TRAF6: variants seen among roughly 807,000 people sequenced by gnomAD.
TRAF6 encodes TNF receptor associated factor 6, also known as TNF receptor-associated factor 6.
A neutral mutation model predicts 48.4 loss-of-function variants in TRAF6; 10 were observed. The ratio of observed to expected loss-of-function variants is 0.21; its 90% CI spans 0.13 to 0.35. The LOEUF (loss-of-function observed/expected upper bound fraction) is 0.35, where lower values mean the gene tolerates loss of function less well. TRAF6 is among the 10% of genes least tolerant of loss of function. The pLI is 1.00. For synonymous variants in TRAF6, 186 were observed against 219.6 expected (o/e 0.85, Z 1.35); for missense variants, 397 against 661.0 (o/e 0.60, Z 4.38).
chr11:36,501,574 A>AAC (rs925519647), intron 1 of TRAF6, 37 bp from the exon 2 acceptor site: 2 of 1,455,840 alleles, frequency 1.4e-6, no homozygotes, highest in Non-Finnish European at 1.9e-6. Context: ...CTTTATAAGT[A>AAC]ACACACACAC....
chr11:36,489,340 T>A lies in TRAF6; in HGVS notation c.*498A>T, dbSNP rs1205332001. On this transcript the variant is annotated 3_prime_UTR_variant, in exon 7 of 7. Coordinates refer to ENST00000526995, the MANE Select transcript of TRAF6 (RefSeq NM_004620.4). ...ATTATGGTTCAAATCCTCTGAAATC[T>A]ATAACAGGTTAAAAAAATGAGAACT... The A allele has an allele frequency of 6.5e-6, 1 of 154,894 alleles. No homozygotes were observed. Among genetic ancestry groups the A allele is most frequent in the African/African-American group, 2.4e-5 (1 of 41,454 alleles). 9.6% of individuals were successfully genotyped at this position (154,894 alleles called of 1,614,324 possible).
intron 4 of TRAF6, among the ~76,000 whole-genome samples, chr11:36,495,845 T>C (rs888973839): frequency 6.6e-6 from 1 of 152,070 alleles, no homozygotes; most frequent in African/African-American, 2.4e-5. Context: ...TGAGCCGAGA[T>C]TGCGCCATTG....
intron 4 of TRAF6, among the ~76,000 whole-genome samples, chr11:36,495,750 G>C (rs1017969451): frequency 6.6e-6 from 1 of 152,134 alleles, no homozygotes; most frequent in Non-Finnish European, 1.5e-5. Context: ...AAATTAGCCG[G>C]GCATGGTGAT....
At chr11:36,504,363 C>T (rs1182693876) in intron 1 of TRAF6, among the ~76,000 whole-genome samples, 1 of 149,498 alleles carries the variant, frequency 6.7e-6, no homozygotes, top group Non-Finnish European at 1.5e-5. Context: ...GTTATTTCAA[C>T]AATGTTCACA....
intron 4 of TRAF6, among the ~76,000 whole-genome samples, chr11:36,496,135 A>C (rs551330253): frequency 7.9e-5 from 12 of 152,366 alleles, no homozygotes; most frequent in African/African-American, 2.9e-4. Context: ...AAAAGTATAC[A>C]TAGGATAGGG....
At chr11:36,494,483 A>G (rs1316304180) in intron 5 of TRAF6, among the ~76,000 whole-genome samples, 2 of 152,180 alleles carry the variant, frequency 1.3e-5, no homozygotes, top group Non-Finnish European at 2.9e-5. Flanking sequence ...GGTCCTAAAA[A>G]TCTGAAAACT....
intron 1 of TRAF6, among the ~76,000 whole-genome samples, chr11:36,505,726 G>C (rs946677160): frequency 2.0e-5 from 3 of 152,080 alleles, no homozygotes; most frequent in African/African-American, 7.2e-5. Context: ...ATTATTTCTA[G>C]CTTTTGATTT....
chr11:36,497,343 T>G, intron 3 of TRAF6, 77 bp from the exon 4 acceptor site: 1 of 1,377,758 alleles, frequency 7.3e-7, no homozygotes, highest in African/African-American at 1.5e-5. Context: ...AATCATATAC[T>G]GTTCTCTTTC....
chr11:36,497,715 G>C (rs1227914382), intron 3 of TRAF6, among the ~76,000 whole-genome samples: 2 of 152,016 alleles, frequency 1.3e-5, no homozygotes, highest in African/African-American at 4.8e-5. Flanking sequence ...TAATCTGATT[G>C]TTTCTGTTAA....
intron 5 of TRAF6, among the ~76,000 whole-genome samples, chr11:36,494,482 A>T (rs992688417): frequency 6.6e-6 from 1 of 152,148 alleles, no homozygotes; most frequent in Non-Finnish European, 1.5e-5. Flanking sequence ...AGGTCCTAAA[A>T]ATCTGAAAAC....
chr11:36,497,463 G>A (rs1859656073), intron 3 of TRAF6, among the ~76,000 whole-genome samples, 197 bp from the exon 4 acceptor site: 1 of 152,134 alleles, frequency 6.6e-6, no homozygotes, highest in South Asian at 2.1e-4. Flanking sequence ...TTATACAAAG[G>A]ATGTGAATTC....
chr11:36,501,742 T>C (rs1859719167), intron 1 of TRAF6: 1 of 336,050 alleles, frequency 3.0e-6, no homozygotes, highest in Non-Finnish European at 5.3e-6. Context: ...TCAATAAATA[T>C]ATATATTATT....
intron 1 of TRAF6, among the ~76,000 whole-genome samples, chr11:36,506,838 T>G (rs1437126908): frequency 6.6e-6 from 1 of 152,158 alleles, no homozygotes. Context: ...AATAAACTTT[T>G]TCATATAGTT....
At chr11:36,502,625 T>C (rs1859732640) in intron 1 of TRAF6, among the ~76,000 whole-genome samples, 1 of 152,156 alleles carries the variant, frequency 6.6e-6, no homozygotes, top group African/African-American at 2.4e-5. Flanking sequence ...TCAATCCTTT[T>C]ACCACTACAA....
rs565159420 is a variant in TRAF6, at chr11:36,503,297, T to A, written c.-22-1760A>T. On this transcript the variant is annotated intron_variant, in intron 1 of 6. Transcript: ENST00000526995. Reference sequence around the variant, plus strand: ...AACTTGGCATGTGGTTTACTTAAGTTTTTTTTTTTTTTTTTGAGACAGAGT... The same window carrying A: ...AACTTGGCATGTGGTTTACTTAAGTATTTTTTTTTTTTTTTGAGACAGAGT... Among the ~76,000 whole-genome samples the A allele has an allele frequency of 2.0e-3, 305 of 149,266 alleles. 3 individuals are homozygous for A. The highest frequency in any genetic ancestry group is 7.1e-3 in the African/African-American group (289 of 40,980).
chr11:36,510,001 G>A (rs1053499193), intron 1 of TRAF6, 47 bp downstream of exon 1: 3 of 152,406 alleles, frequency 2.0e-5, no homozygotes, highest in Non-Finnish European at 2.9e-5. Context: ...TGACCGCTGG[G>A]AAGCGAGGCG....
intron 1 of TRAF6, among the ~76,000 whole-genome samples, chr11:36,507,670 TGTATATATGTATACATACACGA>T (rs1859819591): frequency 1.6e-5 from 1 of 62,580 alleles, no homozygotes; most frequent in Non-Finnish European, 3.3e-5. Context: ...CACACGCGCG[TGTATATATGTATACATACACGA>T]GCGTGTATAT....
intron 5 of TRAF6, among the ~76,000 whole-genome samples, chr11:36,493,763 A>T (rs1859593366): frequency 6.6e-6 from 1 of 152,160 alleles, no homozygotes. Flanking sequence ...ATGTTAAAAG[A>T]CAGCAAAAAG....
intron 4 of TRAF6, 92 bp from the exon 5 acceptor site, chr11:36,495,139 A>G (rs1256906496): frequency 1.1e-6 from 1 of 898,066 alleles, no homozygotes; most frequent in Non-Finnish European, 1.8e-6. Flanking sequence ...TTTCACTATA[A>G]ACAAATAAGG....
Sources: allele counts gnomAD v4.1 joint callset (sites outside exome capture counted in the v4.1 genomes callset), GRCh38; gene constraint gnomAD v4.1.1; transcripts MANE v1.5; gene names NCBI Gene and HGNC (gene_info 2026-07-23, HGNC 2026-07-21).